The following SLC15A2 variants were observed in gnomAD, a reference collection of about 807,000 sequenced individuals.
SLC15A2 encodes the protein kidney H(+)/peptide cotransporter.
A neutral mutation model predicts 95.5 loss-of-function variants in SLC15A2; 77 were observed. The observed-to-expected ratio is 0.81, with a 90% confidence interval of 0.67 to 0.97. SLC15A2 has a LOEUF of 0.97. Ranked by LOEUF, SLC15A2 falls within the 50% of genes least tolerant of loss-of-function variation. The probability of loss-of-function intolerance (pLI) is 0.00; values close to 1 mark genes in which losing one functional copy is unlikely to be tolerated. For synonymous variants in SLC15A2, 306 were observed against 306.9 expected (o/e 1.00, Z 0.03); for missense variants, 893 against 874.4 (o/e 1.02, Z -0.27).
chr3:121,894,517 T>A lies in SLC15A2; in HGVS notation c.41T>A (p.Phe14Tyr). ...AAAAATGAGTCCAAGGAAACTCTTT[T>A]TTCACCTGTCTCCATTGAAGAGGTA... The part of the protein sequence containing the change: ...FQKNESKETL[F>Y]SPVSIEEVPP... Residue 14 changes from phenylalanine (F) to tyrosine (Y), a missense_variant, in exon 1 of 22, where the codon TTT becomes TAT. Phe to Tyr is a conservative substitution (Grantham distance 22). Coordinates refer to ENST00000489711, the MANE Select transcript of SLC15A2 (RefSeq NM_021082.4). The A allele has an allele frequency of 6.2e-7, 1 of 1,613,738 alleles. No homozygotes were observed. The highest frequency in any genetic ancestry group is 8.5e-7 in the Non-Finnish European group (1 of 1,179,814).
intron 1 of SLC15A2, 28 bp from the exon 2 acceptor site, chr3:121,896,378 C>T: frequency 6.4e-7 from 1 of 1,559,678 alleles, no homozygotes; most frequent in South Asian, 1.1e-5. Flanking sequence ...ACAGCTCATG[C>T]TTGAATCATT....
intron 19 of SLC15A2, among the ~76,000 whole-genome samples, chr3:121,935,279 A>C (rs990541440): frequency 2.0e-5 from 3 of 152,198 alleles, no homozygotes; most frequent in African/African-American, 7.2e-5. Context: ...CTGGCCTCAT[A>C]AAATGAGTTA....
intron 4 of SLC15A2, 137 bp downstream of exon 4, chr3:121,911,803 A>C (rs1344118719): frequency 4.6e-6 from 3 of 657,022 alleles, no homozygotes; most frequent in Non-Finnish European, 8.0e-6. Context: ...AAACAGTCTT[A>C]TGACCAGTTG....
At chr3:121,921,515 G>A (rs12496036) in intron 7 of SLC15A2, among the ~76,000 whole-genome samples, 44,784 of 151,992 alleles carry the variant, frequency 0.29, 7,172 homozygotes, top group Middle Eastern at 0.44. Context: ...ATTTTGTCAA[G>A]CTAAATCAAT....
At chr3:121,903,672 G>A (rs1314338982) in intron 3 of SLC15A2, among the ~76,000 whole-genome samples, 2 of 152,066 alleles carry the variant, frequency 1.3e-5, no homozygotes, top group Non-Finnish European at 2.9e-5. Flanking sequence ...GATGTGTGGT[G>A]TTATTTCTGA....
intron 5 of SLC15A2, 70 bp from the exon 6 acceptor site, chr3:121,915,157 G>A: frequency 7.8e-7 from 1 of 1,275,426 alleles, no homozygotes; most frequent in Non-Finnish European, 1.1e-6. Context: ...CTTCAGCTCT[G>A]AATCTGAACG....
At chr3:121,912,901 T>A in intron 4 of SLC15A2, 120 bp from the exon 5 acceptor site, 1 of 667,106 alleles carries the variant, frequency 1.5e-6, no homozygotes, top group South Asian at 2.1e-5. Context: ...ACCCATGGGG[T>A]AGAAATGTGA....
chr3:121,900,197 C>T (rs1429012246), intron 3 of SLC15A2, among the ~76,000 whole-genome samples: 1 of 152,118 alleles, frequency 6.6e-6, no homozygotes, highest in Admixed American at 6.5e-5. Flanking sequence ...TGGCATTCAC[C>T]TCCACAAATC....
intron 12 of SLC15A2, among the ~76,000 whole-genome samples, 193 bp downstream of exon 12, chr3:121,924,576 C>T (rs1430049253): frequency 6.9e-6 from 1 of 145,966 alleles, no homozygotes. Context: ...ACTTAACTTG[C>T]AACGGGTTAA....
At position 121,940,969 on chromosome 3, in the gene SLC15A2, A is replaced by T. The variant is rs1486801624; in HGVS notation, c.2152A>T (p.Asn718Tyr). The change falls in exon 22 of 22, where the codon AAC becomes TAC. Residue 718 changes from asparagine to tyrosine, a missense_variant. Coordinates refer to ENST00000489711, the MANE Select transcript of SLC15A2 (RefSeq NM_021082.4). Reference sequence around the variant, plus strand: ...TAAGCACATTCCTCACATCCAGGGGAACATGATCAAACTAGAGACCAAGAA... The same window carrying T: ...TAAGCACATTCCTCACATCCAGGGGTACATGATCAAACTAGAGACCAAGAA... ...ADKHIPHIQG[N>Y]MIKLETKKTK... 6.2e-7 allele frequency: 1 copy of T among 1,614,058 alleles called. No individual in the cohort carries two copies. The highest frequency in any genetic ancestry group is 8.5e-7 in the Non-Finnish European group (1 of 1,179,964).
chr3:121,934,642 A>G (rs1449683452), intron 19 of SLC15A2, among the ~76,000 whole-genome samples: 1 of 151,978 alleles, frequency 6.6e-6, no homozygotes, highest in Non-Finnish European at 1.5e-5. Flanking sequence ...GAAGTTGCTT[A>G]TCAGCTTAAG....
intron 13 of SLC15A2, among the ~76,000 whole-genome samples, chr3:121,927,328 G>T (rs758419201): frequency 4.6e-5 from 7 of 152,250 alleles, no homozygotes; most frequent in Non-Finnish European, 7.3e-5. Flanking sequence ...GTGGGGCCTG[G>T]TGGGACATGA....
At chr3:121,937,868 G>A (rs1056857134) in intron 19 of SLC15A2, among the ~76,000 whole-genome samples, 1 of 151,460 alleles carries the variant, frequency 6.6e-6, no homozygotes, top group Non-Finnish European at 1.5e-5. Flanking sequence ...CAGTTTTTCT[G>A]TTCTGTTTTT....
intron 19 of SLC15A2, among the ~76,000 whole-genome samples, chr3:121,938,229 C>T (rs376267973): frequency 6.6e-6 from 1 of 152,088 alleles, no homozygotes; most frequent in African/African-American, 2.4e-5. Flanking sequence ...TTTGTCTGTG[C>T]CCTGCCCCCA....
chr3:121,919,605 A>T (rs1193255709), intron 7 of SLC15A2, among the ~76,000 whole-genome samples: 1 of 152,136 alleles, frequency 6.6e-6, no homozygotes, highest in Non-Finnish European at 1.5e-5. Context: ...AGAAGTTCTC[A>T]CTCAGGTCAT....
At chr3:121,906,154 GA>G (rs1235618572) in intron 3 of SLC15A2, among the ~76,000 whole-genome samples, 1 of 152,142 alleles carries the variant, frequency 6.6e-6, no homozygotes, top group East Asian at 1.9e-4. Flanking sequence ...TGTTTTGTCA[GA>G]GACTAGGATT....
Position 121,942,535 on chromosome 3 carries a change from T to G in SLC15A2, c.*1528T>G, listed in dbSNP as rs777050322. ...AGAAATTGCTCTAAGTGCCCAAACT[T>G]TATATACTTCAGTTTTAATGACAAG... On this transcript the variant is annotated 3_prime_UTR_variant, in exon 22 of 22. Coordinates refer to ENST00000489711, the MANE Select transcript of SLC15A2 (RefSeq NM_021082.4). The G allele has an allele frequency of 1.3e-5, 2 of 152,214 alleles. No individual in the cohort carries two copies. The highest frequency in any genetic ancestry group is 2.9e-5 in the Non-Finnish European group (2 of 68,030). 9.4% of individuals were successfully genotyped at this position (152,214 alleles called of 1,614,324 possible). A position where few individuals can be genotyped will look rare whatever the true frequency, so the allele number is the denominator to read the frequency against.
At chr3:121,937,164 G>C (rs1710364220) in intron 19 of SLC15A2, among the ~76,000 whole-genome samples, 1 of 75,042 alleles carries the variant, frequency 1.3e-5, no homozygotes, top group Non-Finnish European at 2.5e-5. Context: ...CCCTTTGAGG[G>C]TAACCCGACC....
intron 14 of SLC15A2, among the ~76,000 whole-genome samples, chr3:121,928,057 G>T (rs934769733): frequency 1.3e-5 from 2 of 152,172 alleles, no homozygotes; most frequent in Non-Finnish European, 2.9e-5. Context: ...TGTATTTTCA[G>T]GGAATTCTCA....
Sources: gnomAD v4.1 joint callset for allele counts (sites outside exome capture counted in the v4.1 genomes callset) on GRCh38, gnomAD v4.1.1 for gene constraint, MANE v1.5 for transcripts, NCBI Gene and HGNC (gene_info 2026-07-23, HGNC 2026-07-21) for gene names.